Variants in GRIA2 observed in about 807,000 individuals in gnomAD.
GRIA2 encodes the protein glutamate receptor 2.
In GRIA2, 14 loss-of-function variants were observed where a neutral mutation model predicts 97.3. The observed-to-expected ratio is 0.14, with a 90% confidence interval of 0.10 to 0.23. The LOEUF (loss-of-function observed/expected upper bound fraction) is 0.23. Ranked by LOEUF, GRIA2 falls within the 10% of genes least tolerant of loss-of-function variation. The probability of loss-of-function intolerance (pLI) is 1.00; values close to 1 mark genes in which losing one functional copy is unlikely to be tolerated. For missense variants in GRIA2, 558 were observed against 1,069.8 expected, an observed-to-expected ratio of 0.52 and a Z score of 6.67; for synonymous variants, 412 against 387.8, an observed-to-expected ratio of 1.06 and a Z score of -0.73.
chr4:157,304,401 G>A (rs1437225174), intron 3 of GRIA2, among the ~76,000 whole-genome samples: 1 of 152,100 alleles, frequency 6.6e-6, no homozygotes, highest in Non-Finnish European at 1.5e-5. Flanking sequence ...GATTCATTAT[G>A]TTAAAATGTA....
At chr4:157,234,526 T>G (rs1730158921) in intron 2 of GRIA2, among the ~76,000 whole-genome samples, 1 of 152,088 alleles carries the variant, frequency 6.6e-6, no homozygotes, top group Admixed American at 6.6e-5. Flanking sequence ...ATTTAAAAAA[T>G]GTAGATGATG....
chr4:157,300,430 T>C (rs1352768758), intron 2 of GRIA2, among the ~76,000 whole-genome samples: 1 of 152,150 alleles, frequency 6.6e-6, no homozygotes, highest in Non-Finnish European at 1.5e-5. Flanking sequence ...GTAAGCATTC[T>C]GATGGATTTG....
chr4:157,323,292 G>A (rs112612979), intron 6 of GRIA2, among the ~76,000 whole-genome samples: 9,435 of 131,046 alleles, frequency 0.072, 351 homozygotes, highest in Middle Eastern at 0.14. Flanking sequence ...CCGAGATCGC[G>A]CCACTGCACA....
intron 6 of GRIA2, among the ~76,000 whole-genome samples, chr4:157,326,232 T>G (rs556883893): frequency 6.6e-6 from 1 of 152,320 alleles, no homozygotes; most frequent in Admixed American, 6.5e-5. Flanking sequence ...TCAAATCCTG[T>G]CTTCTCATGG....
chr4:157,300,425 C>G (rs1361141328), intron 2 of GRIA2, among the ~76,000 whole-genome samples: 1 of 151,984 alleles, frequency 6.6e-6, no homozygotes, highest in Non-Finnish European at 1.5e-5. Context: ...TTTAGGTAAG[C>G]ATTCTGATGG....
In GRIA2 at chr4:157,221,747, A is replaced by C; in HGVS notation, c.169A>C (p.Arg57=). The C allele has an allele frequency of 1.9e-6, 3 of 1,613,998 alleles. No homozygotes were observed. Among genetic ancestry groups the C allele is most frequent in the Non-Finnish European group, 2.5e-6 (3 of 1,179,854 alleles). The change falls in exon 2 of 16, where the codon AGA becomes CGA. Residue 57 remains arginine, a synonymous_variant. Transcript: ENST00000264426. ...GGTTCAGTTTTCCACTTCGGAGTTC[A>C]GACTGACACCCCACATCGACAATTT... ...GMVQFSTSEF[R]LTPHIDNLEV... is the part of the protein sequence containing the mutation.
At chr4:157,271,794 G>T (rs1227921030) in intron 2 of GRIA2, among the ~76,000 whole-genome samples, 1 of 152,078 alleles carries the variant, frequency 6.6e-6, no homozygotes, top group South Asian at 2.1e-4. Context: ...ACCTTGGGTT[G>T]CCAGCTATCT....
intron 2 of GRIA2, among the ~76,000 whole-genome samples, chr4:157,254,257 A>G (rs934894893): frequency 2.6e-5 from 4 of 152,096 alleles, no homozygotes; most frequent in Non-Finnish European, 2.9e-5. Context: ...TGTGTGTACT[A>G]TAAGAACGTA....
chr4:157,286,489 G>A (rs1732850655), intron 2 of GRIA2, among the ~76,000 whole-genome samples: 1 of 151,154 alleles, frequency 6.6e-6, no homozygotes. Flanking sequence ...CCAAAGTTAG[G>A]GCTTAATAAG....
At chr4:157,248,809 TATATAA>T (rs1467372681) in intron 2 of GRIA2, among the ~76,000 whole-genome samples, 1,573 of 112,950 alleles carry the variant, frequency 0.014, 29 homozygotes, top group African/African-American at 0.053. Flanking sequence ...TATATATATA[TATATAA>T]ATAAAATAAT....
At chr4:157,241,489 C>G (rs1730508693) in intron 2 of GRIA2, among the ~76,000 whole-genome samples, 1 of 152,014 alleles carries the variant, frequency 6.6e-6, no homozygotes, top group African/African-American at 2.4e-5. Flanking sequence ...GGACTTGCCT[C>G]TCTCCATTTC....
intron 2 of GRIA2, among the ~76,000 whole-genome samples, chr4:157,293,313 T>G (rs546954886): frequency 2.6e-5 from 4 of 152,160 alleles, no homozygotes; most frequent in Non-Finnish European, 5.9e-5. Context: ...ATCTTTCAAT[T>G]AGGGAATGTT....
At chr4:157,271,178 T>C (rs930257967) in intron 2 of GRIA2, among the ~76,000 whole-genome samples, 5 of 151,942 alleles carry the variant, frequency 3.3e-5, no homozygotes, top group Non-Finnish European at 7.4e-5. Context: ...TCTATGACCC[T>C]ATATATGTGG....
chr4:157,332,786 C>T (rs1461527599), intron 6 of GRIA2, 33 bp from the exon 7 acceptor site: 2 of 1,562,374 alleles, frequency 1.3e-6, no homozygotes, highest in Non-Finnish European at 1.8e-6. Flanking sequence ...GAATTTTCTC[C>T]CGTTCTTATG....
intron 14 of GRIA2, chr4:157,362,397 A>G (rs1161811679): frequency 2.2e-6 from 1 of 457,988 alleles, no homozygotes; most frequent in East Asian, 6.9e-5. Context: ...AATCACACGT[A>G]TGGTTTATTT....
At chr4:157,353,469 G>C (rs1446327245) in intron 12 of GRIA2, among the ~76,000 whole-genome samples, 1 of 151,878 alleles carries the variant, frequency 6.6e-6, no homozygotes, top group African/African-American at 2.4e-5. Flanking sequence ...AGGAGATTGA[G>C]ACCATCCTGG....
intron 2 of GRIA2, among the ~76,000 whole-genome samples, chr4:157,282,246 C>T (rs1732639949): frequency 2.0e-5 from 3 of 152,052 alleles, no homozygotes; most frequent in African/African-American, 7.2e-5. Context: ...TGGCCGAACC[C>T]AGAGCCAATG....
At chr4:157,317,470 TTAC>T (rs1734373643) in intron 4 of GRIA2, among the ~76,000 whole-genome samples, 185 bp from the exon 5 acceptor site, 1 of 152,158 alleles carries the variant, frequency 6.6e-6, no homozygotes, top group African/African-American at 2.4e-5. Context: ...ATATGTATTA[TTAC>T]TTTTTATGAG....
chr4:157,291,700 C>A lies in GRIA2; in HGVS notation c.230-11852C>A, dbSNP rs35358633. Among the ~76,000 whole-genome samples the A allele has an allele frequency of 6.2e-3, 935 of 151,882 alleles. 7 individuals are homozygous for A. The highest frequency in any genetic ancestry group is 0.01 in the Non-Finnish European group (706 of 67,888). ...TAGTTTATCATTTTTATTAGAAGTA[C>A]AGTAGAAATACAAAGCTAAGGAGAA... On this transcript the variant is annotated intron_variant, in intron 2 of 15. Coordinates refer to ENST00000264426, the MANE Select transcript of GRIA2 (RefSeq NM_001083619.3).
Sources: allele counts gnomAD v4.1 joint callset (sites outside exome capture counted in the v4.1 genomes callset), GRCh38; gene constraint gnomAD v4.1.1; transcripts MANE v1.5; gene names NCBI Gene and HGNC (gene_info 2026-07-23, HGNC 2026-07-21).